Variants in ANKRD44 observed in about 807,000 individuals in gnomAD.
The protein encoded by ANKRD44 is ankyrin repeat domain 44, also known as serine/threonine-protein phosphatase 6 regulatory ankyrin repeat subunit B.
Under a neutral mutation model 116.0 loss-of-function variants are expected in ANKRD44, and 35 were observed. That is an observed-to-expected ratio of 0.30 (90% CI 0.23 to 0.40). ANKRD44 has a LOEUF of 0.40. Among genes scored for constraint, ANKRD44 ranks in the 10% least tolerant of loss-of-function variants. The probability of loss-of-function intolerance (pLI) is 1.00; values close to 1 mark genes in which losing one functional copy is unlikely to be tolerated. For synonymous variants in ANKRD44, 435 were observed against 461.8 expected, an observed-to-expected ratio of 0.94 and a Z score of 0.74; for missense variants, 1,014 against 1,242.6, an observed-to-expected ratio of 0.82 and a Z score of 2.77.
intron 4 of ANKRD44, among the ~76,000 whole-genome samples, chr2:197,127,413 CT>C (rs904374989): frequency 6.6e-6 from 1 of 152,114 alleles, no homozygotes; most frequent in African/African-American, 2.4e-5. Flanking sequence ...CTGCATTTCT[CT>C]TTTAAAAGTT....
chr2:197,163,666 G>C (rs961115804), intron 2 of ANKRD44, among the ~76,000 whole-genome samples: 1 of 152,186 alleles, frequency 6.6e-6, no homozygotes, highest in African/African-American at 2.4e-5. Flanking sequence ...GGACTGGGGA[G>C]CAGAAGGTTA....
At chr2:197,096,284 C>T (rs572183633) in intron 10 of ANKRD44, among the ~76,000 whole-genome samples, 1 of 152,252 alleles carries the variant, frequency 6.6e-6, no homozygotes, top group Admixed American at 6.5e-5. Flanking sequence ...CCACTTAGGC[C>T]CTCAACCAAT....
chr2:197,232,286 C>T (rs2081883033), intron 1 of ANKRD44, among the ~76,000 whole-genome samples: 2 of 152,156 alleles, frequency 1.3e-5, no homozygotes, highest in South Asian at 4.1e-4. Flanking sequence ...GATCCGAGCC[C>T]TGTATAAGCA....
intron 1 of ANKRD44, among the ~76,000 whole-genome samples, chr2:197,237,822 A>G (rs1038227744): frequency 6.6e-6 from 1 of 152,256 alleles, no homozygotes; most frequent in Non-Finnish European, 1.5e-5. Context: ...GACATCCTTG[A>G]CAAGTCAGCT....
Position 197,081,727 on chromosome 2 carries a change from T to G in ANKRD44, c.1458-2A>C, listed in dbSNP as rs2077802181. 6.2e-7 allele frequency: 1 copy of G among 1,611,946 alleles called. No homozygotes were observed. Among genetic ancestry groups the G allele is most frequent in the Non-Finnish European group, 8.5e-7 (1 of 1,178,700 alleles). On this transcript the variant is annotated splice_acceptor_variant, in intron 14 of 27. Coordinates refer to ENST00000282272, the MANE Select transcript of ANKRD44 (RefSeq NM_001195144.2). LOFTEE classifies it high-confidence loss of function. Reference sequence around the variant, plus strand: ...TGGGCATTTCCTAAGATAGTCTTACTTCTCAGCATAAAGGATAGAAAAAAA... The same window carrying G: ...TGGGCATTTCCTAAGATAGTCTTACGTCTCAGCATAAAGGATAGAAAAAAA...
intron 1 of ANKRD44, among the ~76,000 whole-genome samples, chr2:197,194,814 AC>A (rs1478114681): frequency 9.2e-5 from 14 of 152,230 alleles, no homozygotes; most frequent in South Asian, 2.1e-4. Context: ...AAGACAGAAA[AC>A]AAAGGGCTAC....
At chr2:197,205,745 A>T (rs2081191767) in intron 1 of ANKRD44, among the ~76,000 whole-genome samples, 1 of 152,164 alleles carries the variant, frequency 6.6e-6, no homozygotes, top group African/African-American at 2.4e-5. Context: ...AAACAGTGAC[A>T]TCACGGTGGA....
chr2:197,264,233 T>C (rs1174301781), intron 1 of ANKRD44, among the ~76,000 whole-genome samples: 3 of 152,344 alleles, frequency 2.0e-5, no homozygotes, highest in South Asian at 2.1e-4. Flanking sequence ...GGCATAGTAA[T>C]AAAAGAAAAC....
intron 1 of ANKRD44, among the ~76,000 whole-genome samples, chr2:197,224,567 A>G (rs933791030): frequency 6.6e-6 from 1 of 152,144 alleles, no homozygotes; most frequent in African/African-American, 2.4e-5. Flanking sequence ...CCCTTTTTGT[A>G]TATTTAAATT....
rs538768411 is a variant in ANKRD44 at position 197,249,234 on chromosome 2, C to G, written c.27+61344G>C. 9.9e-5 allele frequency among the ~76,000 whole-genome samples: 15 copies of G among 152,278 alleles called. No individual in the cohort carries two copies. The South Asian group carries it at 3.1e-3, about 32-fold the overall frequency. ...GCCAGAGCAAGCTATGATTGTGCCA[C>G]TGCACTCCAGCCTGGGCAACAGAGT... On this transcript the variant is annotated intron_variant, in intron 1 of 27. Transcript: ENST00000282272.
intron 2 of ANKRD44, among the ~76,000 whole-genome samples, chr2:197,167,694 T>A (rs1173344435): frequency 1.3e-5 from 2 of 152,256 alleles, no homozygotes; most frequent in Non-Finnish European, 2.9e-5. Context: ...CATTCTCTAA[T>A]AAGCATGAAC....
At chr2:197,150,421 C>T (rs1043977001) in intron 2 of ANKRD44, among the ~76,000 whole-genome samples, 3 of 151,950 alleles carry the variant, frequency 2.0e-5, no homozygotes, top group African/African-American at 7.3e-5. Context: ...TGGTGGAGGG[C>T]GCCTGTAGTC....
intron 16 of ANKRD44, chr2:197,030,065 G>A (rs143463111): frequency 1.3e-5 from 2 of 156,182 alleles, no homozygotes; most frequent in African/African-American, 2.4e-5. Context: ...CAGACTCTGG[G>A]TATTGGAGCC....
intron 4 of ANKRD44, among the ~76,000 whole-genome samples, chr2:197,133,151 G>A (rs940246719): frequency 7.9e-5 from 12 of 152,228 alleles, no homozygotes; most frequent in Non-Finnish European, 1.5e-4. Flanking sequence ...AAGGGGCAGT[G>A]CCTGGCTTGA....
intron 16 of ANKRD44, among the ~76,000 whole-genome samples, chr2:197,060,972 A>G (rs995434028): frequency 5.3e-5 from 8 of 152,232 alleles, no homozygotes; most frequent in African/African-American, 1.7e-4. Flanking sequence ...TATTGTGAAT[A>G]GTGCTGCAGT....
intron 8 of ANKRD44, among the ~76,000 whole-genome samples, chr2:197,118,024 C>A (rs1211693378): frequency 6.6e-6 from 1 of 151,834 alleles, no homozygotes; most frequent in Non-Finnish European, 1.5e-5. Flanking sequence ...CCAGCCTGGG[C>A]AACATGGCAA....
chr2:197,227,899 T>A (rs2125753138), intron 1 of ANKRD44, among the ~76,000 whole-genome samples: 1 of 152,354 alleles, frequency 6.6e-6, no homozygotes, highest in East Asian at 1.9e-4. Flanking sequence ...AAAGCATATT[T>A]ATAATAAGCT....
rs2125908434 is a variant in ANKRD44 at position 197,005,825 on chromosome 2, G to A, written c.2216C>T (p.Pro739Leu). 1 of 1,614,270 alleles carries A rather than the reference G, an allele frequency of 6.2e-7. No homozygotes were observed. Among genetic ancestry groups the A allele is most frequent in the Non-Finnish European group, 8.5e-7 (1 of 1,180,044 alleles). ...ILCKDSRGRT[P>L]LHYAAARGHA... ...GCCACGAGCAGCTGCATAGTGCAAG[G>A]GCGTCCTCCCTCTGGAATCTTTACA... The change falls in exon 21 of 28, where the codon CCC (proline) becomes CTC (leucine). Residue 739 changes from proline (P) to leucine (L), a missense_variant. Pro to Leu is a moderately conservative substitution (Grantham distance 98). Coordinates refer to ENST00000282272, the MANE Select transcript of ANKRD44 (RefSeq NM_001195144.2).
chr2:197,090,942 C>T (rs1259665115), intron 10 of ANKRD44, among the ~76,000 whole-genome samples: 1 of 152,188 alleles, frequency 6.6e-6, no homozygotes, highest in Non-Finnish European at 1.5e-5. Context: ...CTTTCATTGG[C>T]AATAAAATCC....
Sources: allele counts gnomAD v4.1 joint callset (sites outside exome capture counted in the v4.1 genomes callset), GRCh38; gene constraint gnomAD v4.1.1; transcripts MANE v1.5; gene names NCBI Gene and HGNC (gene_info 2026-07-23, HGNC 2026-07-21).